Variants in ARVCF observed in about 807,000 individuals in gnomAD.
The protein encoded by ARVCF is ARVCF delta catenin family member.
In ARVCF, 66 loss-of-function variants were observed where a neutral mutation model predicts 90.9. That is an observed-to-expected ratio of 0.73 (90% CI 0.60 to 0.89). ARVCF has a LOEUF of 0.89. Among genes scored for constraint, ARVCF ranks in the 40% least tolerant of loss-of-function variants. ARVCF has a pLI of 0.00. For missense variants in ARVCF, 1,469 were observed against 1,382.3 expected, an observed-to-expected ratio of 1.06 and a Z score of -1.00; for synonymous variants, 653 against 603.4, an observed-to-expected ratio of 1.08 and a Z score of -1.21.
At chr22:19,982,243 G>T in intron 3 of ARVCF, 152 bp from the exon 4 acceptor site, 1 of 1,064,528 alleles carries the variant, frequency 9.4e-7, no homozygotes, top group Non-Finnish European at 1.3e-6. Context: ...CCCAAGGCCT[G>T]TTTCGGCCCA....
At chr22:19,996,708 C>T (rs962712328) in intron 2 of ARVCF, among the ~76,000 whole-genome samples, 2 of 152,202 alleles carry the variant, frequency 1.3e-5, no homozygotes, top group Non-Finnish European at 2.9e-5. Flanking sequence ...ATAATCAGAA[C>T]CTCAGTAGGA....
chr22:19,968,003 T>TG (rs945853427), downstream of ARVCF, among the ~76,000 whole-genome samples: 6 of 152,130 alleles, frequency 3.9e-5, no homozygotes, highest in Non-Finnish European at 8.8e-5. Context: ...CTGGTGAAGA[T>TG]GGGGGGTCTG....
chr22:19,995,908 C>T (rs1172723329), intron 2 of ARVCF, among the ~76,000 whole-genome samples: 1 of 152,170 alleles, frequency 6.6e-6, no homozygotes, highest in Admixed American at 6.5e-5. Context: ...GGAGTTGGAC[C>T]CAGGCCCAGC....
chr22:20,004,112 T>C (rs1944536561), intron 2 of ARVCF, among the ~76,000 whole-genome samples: 1 of 152,120 alleles, frequency 6.6e-6, no homozygotes, highest in Non-Finnish European at 1.5e-5. Context: ...AAAAAAACTA[T>C]TCCATTTACA....
chr22:19,966,833 G>A (rs749105052), downstream of ARVCF: 6 of 640,332 alleles, frequency 9.4e-6, no homozygotes, highest in Non-Finnish European at 1.2e-5. Flanking sequence ...CAACCTCTGT[G>A]AGGCTCCAAC....
intron 3 of ARVCF, among the ~76,000 whole-genome samples, chr22:19,987,402 C>T (rs1943855509): frequency 6.7e-6 from 1 of 149,982 alleles, no homozygotes; most frequent in African/African-American, 2.5e-5. Flanking sequence ...CTCCCCCCAC[C>T]CACTGCCGGC....
intron 2 of ARVCF, among the ~76,000 whole-genome samples, chr22:19,993,201 C>G (rs1291101664): frequency 6.6e-6 from 1 of 152,050 alleles, no homozygotes; most frequent in Non-Finnish European, 1.5e-5. Flanking sequence ...TCAGGTGTCT[C>G]AAGAGCAACC....
rs752015166 is a variant in ARVCF at position 19,973,799 on chromosome 22, G to C, written c.2089-6C>G. ...GCGCGGATGTACGTGGCCCACTGCG[G>C]AGGCGGGGAGAGGGTTGCTCAGACA... On this transcript the variant is annotated splice_region_variant and splice_polypyrimidine_tract_variant and intron_variant, in intron 12 of 19. Coordinates refer to ENST00000263207, the MANE Select transcript of ARVCF (RefSeq NM_001670.3). 1.4e-5 allele frequency: 22 copies of C among 1,600,398 alleles called. No homozygotes were observed. In the Admixed American group the frequency reaches 3.0e-4, roughly 22 times the overall value.
chr22:19,968,756 C>G (rs769605719), downstream of ARVCF: 1 of 1,601,248 alleles, frequency 6.2e-7, no homozygotes, highest in Non-Finnish European at 8.5e-7. Context: ...CGGCCCCCCT[C>G]TCGGGCTCTC....
chr22:20,007,408 AAC>A (rs1158362521), intron 2 of ARVCF, among the ~76,000 whole-genome samples: 1 of 152,256 alleles, frequency 6.6e-6, no homozygotes, highest in Non-Finnish European at 1.5e-5. Flanking sequence ...TCTCAAAACA[AAC>A]AAACAAAAAG....
At chr22:19,968,638 G>A (rs1377127608), downstream of ARVCF, 12 of 1,614,090 alleles carry the variant, frequency 7.4e-6, no homozygotes, top group East Asian at 2.2e-4. Flanking sequence ...CAGCTGCTTT[G>A]AGTGCACACA....
chr22:20,010,572 G>C (rs1397634348), intron 1 of ARVCF, 64 bp from the exon 2 acceptor site: 1 of 152,206 alleles, frequency 6.6e-6, no homozygotes, highest in African/African-American at 2.4e-5. Context: ...GCCGGATAAA[G>C]GTACACAAGC....
rs1404922949 is a variant in ARVCF at position 19,971,285 on chromosome 22, G to A, written c.2832C>T (p.Val944=). 1.3e-6 allele frequency: 2 copies of A among 1,557,282 alleles called. No individual in the cohort carries two copies. The highest frequency in any genetic ancestry group is 1.7e-6 in the Non-Finnish European group (2 of 1,149,832). The stretch of plus-strand genomic sequence containing the variant: ...CGTCCCCTACGGCGTCCACCAGCCT[G>A]ACCGCGGGCCTGCTGGGCCCGGGGG... ...APPPGPSRPA[V]RLVDAVGDAK... The change falls in exon 19 of 20, where the codon GTC becomes GTT. Residue 944 remains valine (V), a synonymous_variant. Coordinates refer to ENST00000263207, the MANE Select transcript of ARVCF (RefSeq NM_001670.3).
chr22:19,969,961 T>G lies in ARVCF; in HGVS notation c.*795A>C. On this transcript the variant is annotated 3_prime_UTR_variant, in exon 20 of 20. Transcript: ENST00000263207. Reference sequence around the variant, plus strand: ...TTAGGTGTTTACCAATAGTCTTATTTTGGCTTATTTTTAATGCTTTTTCTC... The same window carrying G: ...TTAGGTGTTTACCAATAGTCTTATTGTGGCTTATTTTTAATGCTTTTTCTC... The G allele has an allele frequency of 1.0e-6, 1 of 985,638 alleles. No individual in the cohort carries two copies. Among genetic ancestry groups the G allele is most frequent in the Non-Finnish European group, 1.2e-6 (1 of 829,942 alleles). The allele number at this position is 985,638 out of a possible 1,614,324, so 61.1% of individuals were successfully genotyped here. A position where few individuals can be genotyped will look rare whatever the true frequency, so the allele number is the denominator to read the frequency against.
In ARVCF at chr22:19,977,559, G is replaced by A. The variant is rs747415960; in HGVS notation, c.1726C>T (p.Arg576Trp). 10 of 1,564,854 alleles carry A rather than the reference G, an allele frequency of 6.4e-6. No homozygotes were observed. Among genetic ancestry groups the A allele is most frequent in the Non-Finnish European group, 6.9e-6 (8 of 1,155,974 alleles). Residue 576 changes from arginine to tryptophan, a missense_variant, in exon 9 of 20, where the codon CGG becomes TGG. Arg to Trp is a moderately radical substitution (Grantham distance 101). Coordinates refer to ENST00000263207, the MANE Select transcript of ARVCF (RefSeq NM_001670.3). ...KSVENCVCIM[R>W]NLSYHVHKEV... ...TTGTGCACGTGGTAGGACAGGTTCC[G>A]CATGATGCACACGCAGTTCTCCACC...
chr22:19,974,639 G>A (rs1943048120), intron 11 of ARVCF, among the ~76,000 whole-genome samples: 1 of 151,902 alleles, frequency 6.6e-6, no homozygotes, highest in Non-Finnish European at 1.5e-5. Flanking sequence ...GCCAGTAACT[G>A]AGAGTTGTAT....
intron 5 of ARVCF, 191 bp downstream of exon 5, chr22:19,981,020 C>G: frequency 4.3e-6 from 3 of 693,128 alleles, no homozygotes; most frequent in South Asian, 2.2e-5. Context: ...GCCTGCAGGA[C>G]AGTGCCCAGC....
Position 19,971,313 on chromosome 22 carries a change from G to T in ARVCF, c.2804C>A (p.Pro935His). The change falls in exon 19 of 20, where the codon CCT (proline) becomes CAT (histidine). Residue 935 changes from proline (P) to histidine (H), a missense_variant. Physicochemically the swap from Pro to His is moderately conservative, Grantham distance 77 (BLOSUM62 -2). Coordinates refer to ENST00000263207, the MANE Select transcript of ARVCF (RefSeq NM_001670.3). ...PLKLDPSRKA[P>H]PPGPSRPAVR... ...CGCGGGCCTGCTGGGCCCGGGGGGA[G>T]GGGCCTTCCTGCTGGGGTCGAGCTG... 1 of 1,555,486 alleles carries T rather than the reference G, an allele frequency of 6.4e-7. No homozygotes were observed.
chr22:19,976,138 A>C (rs1336418880), intron 10 of ARVCF, among the ~76,000 whole-genome samples: 1 of 151,888 alleles, frequency 6.6e-6, no homozygotes. Context: ...CCAGGACAAG[A>C]CTCACTTGGG....
Sources: allele counts gnomAD v4.1 joint callset (sites outside exome capture counted in the v4.1 genomes callset), GRCh38; gene constraint gnomAD v4.1.1; transcripts MANE v1.5; gene names NCBI Gene and HGNC (gene_info 2026-07-23, HGNC 2026-07-21).